Variants in ERC2 observed in about 807,000 individuals in gnomAD.
ERC2 encodes ELKS/RAB6-interacting/CAST family member 2.
A neutral mutation model predicts 114.8 loss-of-function variants in ERC2; 42 were observed. The observed-to-expected ratio is 0.37, with a 90% CI of 0.29 to 0.47. The LOEUF (loss-of-function observed/expected upper bound fraction) is 0.47, where lower values mean the gene tolerates loss of function less well. ERC2 is among the 20% of genes least tolerant of loss of function. The pLI, the probability that ERC2 is intolerant of heterozygous loss-of-function variation, is 0.99. For missense variants in ERC2, 939 were observed against 1,150.7 expected, an observed-to-expected ratio of 0.82 and a Z score of 2.66; for synonymous variants, 454 against 425.5, an observed-to-expected ratio of 1.07 and a Z score of -0.82.
intron 13 of ERC2, among the ~76,000 whole-genome samples, chr3:55,946,532 T>A (rs1471469145): frequency 6.6e-6 from 1 of 152,190 alleles, no homozygotes; most frequent in Non-Finnish European, 1.5e-5. Flanking sequence ...GAGAAAACTC[T>A]AGTAACTGAA....
At chr3:56,039,184 A>C (rs2149652233) in intron 7 of ERC2, among the ~76,000 whole-genome samples, 1 of 152,302 alleles carries the variant, frequency 6.6e-6, no homozygotes, top group Middle Eastern at 3.4e-3. Context: ...TATGAAACAA[A>C]CCTGTACATC....
At chr3:55,531,003 C>T (rs1575488256) in intron 17 of ERC2, among the ~76,000 whole-genome samples, 1 of 152,180 alleles carries the variant, frequency 6.6e-6, no homozygotes, top group African/African-American at 2.4e-5. Flanking sequence ...GCTCAGGGAA[C>T]CTCATTATGT....
intron 17 of ERC2, among the ~76,000 whole-genome samples, chr3:55,590,439 T>G (rs2057816640): frequency 6.6e-6 from 1 of 152,220 alleles, no homozygotes; most frequent in Admixed American, 6.5e-5. Flanking sequence ...GAATGTACAG[T>G]GAAACATAAA....
intron 3 of ERC2, among the ~76,000 whole-genome samples, chr3:56,185,639 T>C (rs1266764256): frequency 2.0e-5 from 3 of 152,206 alleles, no homozygotes; most frequent in East Asian, 1.9e-4. Context: ...TTTGGAGGAA[T>C]GTGAATCTTT....
At chr3:56,203,365 T>C (rs1231623841) in intron 3 of ERC2, among the ~76,000 whole-genome samples, 2 of 152,180 alleles carry the variant, frequency 1.3e-5, no homozygotes, top group Non-Finnish European at 2.9e-5. Flanking sequence ...TTCGTGACCT[T>C]TGGCTTAAAA....
intron 2 of ERC2, among the ~76,000 whole-genome samples, chr3:56,301,121 T>C (rs2055845896): frequency 6.6e-6 from 1 of 152,094 alleles, no homozygotes; most frequent in African/African-American, 2.4e-5. Context: ...AACCAGGCTG[T>C]TCCTTATTCA....
intron 2 of ERC2, among the ~76,000 whole-genome samples, chr3:56,302,829 C>T (rs1405447217): frequency 6.6e-6 from 1 of 152,242 alleles, no homozygotes; most frequent in African/African-American, 2.4e-5. Flanking sequence ...CTTTCTGTGG[C>T]TTCCATTCCA....
chr3:56,365,002 A>G (rs1450090700), intron 2 of ERC2, among the ~76,000 whole-genome samples: 5 of 152,256 alleles, frequency 3.3e-5, no homozygotes, highest in Non-Finnish European at 5.9e-5. Context: ...TCATCGGAAC[A>G]ATGGGATAAT....
intron 3 of ERC2, among the ~76,000 whole-genome samples, chr3:56,186,666 G>A (rs545576211): frequency 3.3e-5 from 5 of 152,080 alleles, no homozygotes; most frequent in Non-Finnish European, 7.4e-5. Flanking sequence ...AGCCTCCTGA[G>A]TAGCTGGGAT....
chr3:56,243,375 G>A (rs752286877), intron 3 of ERC2, among the ~76,000 whole-genome samples: 3 of 152,146 alleles, frequency 2.0e-5, no homozygotes, highest in East Asian at 1.9e-4. Context: ...CAGCAAAGAG[G>A]ACCTCAAGCT....
At chr3:55,862,197 C>CAT (rs1370919814) in intron 14 of ERC2, among the ~76,000 whole-genome samples, 1 of 151,930 alleles carries the variant, frequency 6.6e-6, no homozygotes, top group East Asian at 1.9e-4. Flanking sequence ...TATATATATA[C>CAT]ATATATATTC....
chr3:55,616,342 T>A (rs2059122603), intron 17 of ERC2, among the ~76,000 whole-genome samples: 1 of 152,174 alleles, frequency 6.6e-6, no homozygotes, highest in Admixed American at 6.5e-5. Flanking sequence ...TGGCCAGTTG[T>A]GGAAATGGAA....
At chr3:56,025,837 C>T (rs995867892) in intron 7 of ERC2, among the ~76,000 whole-genome samples, 1 of 152,030 alleles carries the variant, frequency 6.6e-6, no homozygotes, top group Non-Finnish European at 1.5e-5. Flanking sequence ...GCTTATTATA[C>T]CCATATTTTT....
intron 3 of ERC2, among the ~76,000 whole-genome samples, chr3:56,226,963 C>T (rs773773650): frequency 6.6e-6 from 1 of 152,166 alleles, no homozygotes; most frequent in African/African-American, 2.4e-5. Flanking sequence ...TATGCAAACA[C>T]ACTTCTCTTT....
intron 12 of ERC2, among the ~76,000 whole-genome samples, chr3:55,952,770 A>G (rs935230326): frequency 2.6e-5 from 4 of 152,228 alleles, no homozygotes; most frequent in African/African-American, 9.6e-5. Context: ...ACAGTGAAAG[A>G]GCTCCCACAA....
intron 3 of ERC2, among the ~76,000 whole-genome samples, chr3:56,203,612 A>G (rs2048531290): frequency 1.3e-5 from 2 of 152,230 alleles, no homozygotes; most frequent in South Asian, 2.1e-4. Context: ...TGTTTATGAC[A>G]TATCAGGGAT....
At chr3:55,640,602 G>GT (rs2060136584) in intron 17 of ERC2, among the ~76,000 whole-genome samples, 1 of 152,230 alleles carries the variant, frequency 6.6e-6, no homozygotes, top group East Asian at 1.9e-4. Context: ...TGATAAGGTT[G>GT]TGGGAACACG....
chr3:55,789,632 G>A (rs2069816170), intron 14 of ERC2, among the ~76,000 whole-genome samples: 1 of 152,208 alleles, frequency 6.6e-6, no homozygotes, highest in South Asian at 2.1e-4. Context: ...ATTTTGTGGG[G>A]TTATGTCAGG....
intron 17 of ERC2, among the ~76,000 whole-genome samples, chr3:55,641,379 A>T (rs1299893903): frequency 6.6e-6 from 1 of 151,970 alleles, no homozygotes; most frequent in Non-Finnish European, 1.5e-5. Flanking sequence ...GCAAAACCTC[A>T]TCTCTACTAA....
Sources: allele counts gnomAD v4.1 joint callset (sites outside exome capture counted in the v4.1 genomes callset), GRCh38; gene constraint gnomAD v4.1.1; transcripts MANE v1.5; gene names NCBI Gene and HGNC (gene_info 2026-07-23, HGNC 2026-07-21).